Variants in ANKHD1 observed in about 807,000 individuals in gnomAD.
ANKHD1 encodes ankyrin repeat and KH domain-containing protein 1.
In ANKHD1, 31 loss-of-function variants were observed where a neutral mutation model predicts 230.5. The observed-to-expected ratio is 0.13, with a 90% CI of 0.10 to 0.18. The LOEUF is 0.18. Among genes scored for constraint, ANKHD1 ranks in the 10% least tolerant of loss-of-function variants. ANKHD1 has a pLI of 1.00. For synonymous variants in ANKHD1, 1,074 were observed against 1,117.6 expected (o/e 0.96, Z 0.78); for missense variants, 2,256 against 3,071.3 (o/e 0.73, Z 6.27).
intron 9 of ANKHD1, among the ~76,000 whole-genome samples, chr5:140,459,886 A>G (rs1050269556): frequency 4.6e-5 from 7 of 152,224 alleles, no homozygotes; most frequent in Admixed American, 3.3e-4. Flanking sequence ...AGACAGCTGC[A>G]TAATTTAACT....
chr5:140,500,663 A>G (rs1188189937), intron 15 of ANKHD1, among the ~76,000 whole-genome samples: 1 of 149,120 alleles, frequency 6.7e-6, no homozygotes, highest in African/African-American at 2.5e-5. Context: ...AAAAAAAAAA[A>G]AAAAAAGAAA....
chr5:140,529,740 A>G lies in ANKHD1; in HGVS notation c.6794A>G (p.Asn2265Ser), dbSNP rs1753732243. The change falls in exon 29 of 34, where the codon AAC (asparagine) becomes AGC (serine). Residue 2265 changes from asparagine (N) to serine (S), a missense_variant. Transcript: ENST00000360839. ...CACTTGGAAAACATGCACCCTGATA[A>G]CTCAAAGGCACCTGGCTTCAGACCA... ...LGHLENMHPD[N>S]SKAPGFRPPS... The G allele has an allele frequency of 6.2e-7, 1 of 1,613,978 alleles. No homozygotes were observed. The highest frequency in any genetic ancestry group is 1.7e-5 in the Admixed American group (1 of 59,974).
At position 140,472,438 on chromosome 5, in the gene ANKHD1, A is replaced by T. The variant is rs553701007; in HGVS notation, c.1782+7662A>T. 64 of 1,375,842 alleles carry T rather than the reference A, an allele frequency of 4.7e-5. No individual in the cohort carries two copies. The East Asian group carries it at 1.7e-3, about 37-fold the overall frequency. 85.2% of individuals were successfully genotyped at this position (1,375,842 alleles called of 1,614,324 possible). A position where few individuals can be genotyped will look rare whatever the true frequency, so the allele number is the denominator to read the frequency against. ...AGGAAATCCTCTTCAATTGAAAAAG[A>T]TTATGAAGTCCCAATAAAAAGAGAT... On this transcript the variant is annotated intron_variant, in intron 10 of 33. Coordinates refer to ENST00000360839, the MANE Select transcript of ANKHD1 (RefSeq NM_017747.3).
At chr5:140,463,951 G>A (rs949800582) in intron 9 of ANKHD1, among the ~76,000 whole-genome samples, 1 of 152,040 alleles carries the variant, frequency 6.6e-6, no homozygotes, top group African/African-American at 2.4e-5. Flanking sequence ...AGGGTTACAG[G>A]TTTGAGCCAC....
intron 28 of ANKHD1, 51 bp from the exon 29 acceptor site, chr5:140,528,128 CTTTTT>C: frequency 1.4e-6 from 2 of 1,384,990 alleles, no homozygotes; most frequent in Non-Finnish European, 1.9e-6. Context: ...TTAAGATTAC[CTTTTT>C]TTTTTTTTTT....
In ANKHD1 at chr5:140,533,006, G is replaced by A. The variant is rs545348241; in HGVS notation, c.6851-2356G>A. The A allele has an allele frequency of 1.9e-5, 4 of 206,722 alleles. No individual in the cohort carries two copies. In the South Asian group the frequency reaches 2.0e-4, roughly 10 times the overall value. 12.8% of individuals were successfully genotyped at this position (206,722 alleles called of 1,614,324 possible). A position where few individuals can be genotyped will look rare whatever the true frequency, so the allele number is the denominator to read the frequency against. ...CCAGCTACTCAGTAGGCTGAGGCAG[G>A]TGAATCGCTTGAACCTGGGAGGCAG... On this transcript the variant is annotated intron_variant, in intron 29 of 33. Coordinates refer to ENST00000360839, the MANE Select transcript of ANKHD1 (RefSeq NM_017747.3).
chr5:140,425,025 G>T (rs780726178), intron 1 of ANKHD1, among the ~76,000 whole-genome samples: 5 of 152,116 alleles, frequency 3.3e-5, no homozygotes, highest in Non-Finnish European at 7.3e-5. Flanking sequence ...GTTTTTAAAG[G>T]TACTTAATAG....
chr5:140,464,816 T>C (rs753684367), intron 10 of ANKHD1, 40 bp downstream of exon 10: 1 of 1,555,256 alleles, frequency 6.4e-7, no homozygotes, highest in Admixed American at 1.8e-5. Context: ...GCGTTAATGT[T>C]AATATCCATT....
intron 1 of ANKHD1, among the ~76,000 whole-genome samples, chr5:140,425,721 A>G (rs546108011): frequency 6.6e-6 from 1 of 152,304 alleles, no homozygotes; most frequent in South Asian, 2.1e-4. Flanking sequence ...CCTTTTTGTA[A>G]CAACAAAACT....
intron 7 of ANKHD1, among the ~76,000 whole-genome samples, chr5:140,455,605 G>C (rs527654908): frequency 3.2e-3 from 485 of 152,246 alleles, no homozygotes; most frequent in Non-Finnish European, 4.3e-3. Context: ...CAGAACCAAA[G>C]ACAAAAACCA....
In ANKHD1 at chr5:140,485,822, C is replaced by G. The variant is rs1364861230; in HGVS notation, c.2142+90C>G. 6.5e-7 allele frequency: 1 copy of G among 1,536,848 alleles called. No homozygotes were observed. The highest frequency in any genetic ancestry group is 8.8e-7 in the Non-Finnish European group (1 of 1,140,494). ...TAAAATCAGTTTTAAGCAAAATGGA[C>G]TTGTTTTTATTCTCTGTTACATATT... On this transcript the variant is annotated intron_variant, in intron 13 of 33. Transcript: ENST00000360839. The surrounding 1 kb of genome is among the most constrained non-coding windows in gnomAD (Gnocchi z 4.8).
chr5:140,458,611 C>T lies in ANKHD1; in HGVS notation c.1243-14C>T. 1 of 1,572,220 alleles carries T rather than the reference C, an allele frequency of 6.4e-7. No individual in the cohort carries two copies. The highest frequency in any genetic ancestry group is 1.4e-5 in the African/African-American group (1 of 73,902). On this transcript the variant is annotated splice_polypyrimidine_tract_variant and intron_variant, in intron 7 of 33. Transcript: ENST00000360839. ...AATTTCTCTCCTTCTTTCTTTACTT[C>T]TGAAAATCTGCAGGATGGACATGTA... is the stretch of plus-strand genomic sequence containing the variant.
chr5:140,403,736 A>G (rs995698352), intron 1 of ANKHD1, among the ~76,000 whole-genome samples: 3 of 152,160 alleles, frequency 2.0e-5, no homozygotes, highest in Admixed American at 2.0e-4. Flanking sequence ...TTAAGTGCTC[A>G]GAGTATTTCT....
At chr5:140,427,585 GC>G (rs1719425668) in intron 1 of ANKHD1, among the ~76,000 whole-genome samples, 1 of 139,198 alleles carries the variant, frequency 7.2e-6, no homozygotes, top group South Asian at 2.3e-4. Context: ...GGGGCGGCTG[GC>G]CGGGCGGGGG....
chr5:140,489,132 G>T (rs758378813), intron 14 of ANKHD1, among the ~76,000 whole-genome samples: 2 of 151,566 alleles, frequency 1.3e-5, no homozygotes, highest in Non-Finnish European at 1.5e-5. Context: ...CAAGGCTGCA[G>T]TGAGTCATGA....
chr5:140,402,087 G>A lies in ANKHD1; in HGVS notation c.120G>A (p.Gly40=), dbSNP rs764889599. ...EPPPPGGVGL[G]IRTVRLFGEA... is the part of the protein sequence containing the mutation. ...CTCCGCCGGGAGGGGTCGGTCTGGGGATCCGCACCGTGAGGCTCTTTGGGG... is the reference window on the plus strand; with the variant it reads ...CTCCGCCGGGAGGGGTCGGTCTGGGAATCCGCACCGTGAGGCTCTTTGGGG... The change falls in exon 1 of 34, where the codon GGG becomes GGA. Residue 40 remains glycine (G), a synonymous_variant. Transcript: ENST00000360839. The A allele has an allele frequency of 4.0e-6, 6 of 1,517,570 alleles. No homozygotes were observed. In the African/African-American group the frequency reaches 5.8e-5, roughly 15 times the overall value. The allele number at this position is 1,517,570 out of a possible 1,614,324, so 94.0% of individuals were successfully genotyped here. A position where few individuals can be genotyped will look rare whatever the true frequency, so the allele number is the denominator to read the frequency against.
chr5:140,500,160 C>T (rs909925185), intron 15 of ANKHD1, among the ~76,000 whole-genome samples: 2 of 151,990 alleles, frequency 1.3e-5, no homozygotes, highest in African/African-American at 2.4e-5. Context: ...TGAGCCACCG[C>T]GCCTGGCCAA....
chr5:140,419,595 G>T (rs1771708822), intron 1 of ANKHD1, among the ~76,000 whole-genome samples: 1 of 151,424 alleles, frequency 6.6e-6, no homozygotes, highest in East Asian at 2.0e-4. Flanking sequence ...GAATAGTTGG[G>T]ACTATCAGCA....
chr5:140,495,419 G>C (rs1751987181), intron 14 of ANKHD1, among the ~76,000 whole-genome samples: 1 of 151,910 alleles, frequency 6.6e-6, no homozygotes, highest in Admixed American at 6.5e-5. Context: ...CTGATTTTTT[G>C]TATTTTTAGT....
Sources: allele counts gnomAD v4.1 joint callset (sites outside exome capture counted in the v4.1 genomes callset), GRCh38; gene constraint gnomAD v4.1.1; non-coding constraint Gnocchi (gnomAD v3.1); transcripts MANE v1.5; gene names NCBI Gene and HGNC (gene_info 2026-07-23, HGNC 2026-07-21).